Variants in SCRIB observed in about 807,000 individuals in gnomAD.
SCRIB encodes scribble planar cell polarity protein.
Under a neutral mutation model 170.0 loss-of-function variants are expected in SCRIB, and 72 were observed. The ratio of observed to expected loss-of-function variants is 0.42; its 90% CI spans 0.35 to 0.52. The LOEUF (loss-of-function observed/expected upper bound fraction) is 0.52, where lower values mean the gene tolerates loss of function less well. Among genes scored for constraint, SCRIB ranks in the 20% least tolerant of loss-of-function variants. The pLI, the probability that SCRIB is intolerant of heterozygous loss-of-function variation, is 0.02. For synonymous variants in SCRIB, 1,298 were observed against 1,044.3 expected, an observed-to-expected ratio of 1.24 and a Z score of -4.68; for missense variants, 2,475 against 2,338.5, an observed-to-expected ratio of 1.06 and a Z score of -1.20.
intron 24 of SCRIB, among the ~76,000 whole-genome samples, chr8:143,802,333 A>G (rs1178291383): frequency 6.6e-6 from 1 of 152,368 alleles, no homozygotes; most frequent in East Asian, 1.9e-4. Flanking sequence ...TGTGACTGTC[A>G]GCCTGGCAGA....
chr8:143,815,564 G>A lies in SCRIB; in HGVS notation c.-192C>T. 5.1e-6 allele frequency: 5 copies of A among 980,198 alleles called. No homozygotes were observed. The highest frequency in any genetic ancestry group is 4.7e-5 in the South Asian group (1 of 21,200). 60.7% of individuals were successfully genotyped at this position (980,198 alleles called of 1,614,324 possible). ...CGCGCTCGGAACGCTCGGACTGCGGGCCTGGGCAGGGGGCGCGGCCCGGCG... is the reference window on the plus strand; with the variant it reads ...CGCGCTCGGAACGCTCGGACTGCGGACCTGGGCAGGGGGCGCGGCCCGGCG... On this transcript the variant is annotated 5_prime_UTR_variant, in exon 1 of 37. Transcript: ENST00000356994.
intron 24 of SCRIB, among the ~76,000 whole-genome samples, chr8:143,799,524 C>T (rs949777341): frequency 6.6e-6 from 1 of 152,156 alleles, no homozygotes; most frequent in Non-Finnish European, 1.5e-5. Context: ...ATGCCAAACA[C>T]GCGGGGTAGC....
intron 29 of SCRIB, 26 bp from the exon 30 acceptor site, chr8:143,792,893 G>A (rs1554633293): frequency 6.7e-7 from 1 of 1,502,760 alleles, no homozygotes; most frequent in South Asian, 1.3e-5. Context: ...CTTGAGGTTT[G>A]GCTGGCATTC....
At chr8:143,814,491 C>A (rs973558527) in intron 1 of SCRIB, among the ~76,000 whole-genome samples, 2 of 152,146 alleles carry the variant, frequency 1.3e-5, no homozygotes, top group African/African-American at 4.8e-5. Flanking sequence ...TGACAACAAG[C>A]CTGGCCTGGT....
chr8:143,796,837 G>A (rs551641050), intron 24 of SCRIB, among the ~76,000 whole-genome samples: 7 of 152,300 alleles, frequency 4.6e-5, no homozygotes, highest in African/African-American at 1.7e-4. Flanking sequence ...AAGGTCCCAG[G>A]TAGCCCGGCC....
intron 18 of SCRIB, 132 bp downstream of exon 18, chr8:143,806,275 C>T (rs1006275064): frequency 3.3e-5 from 23 of 706,578 alleles, no homozygotes; most frequent in Middle Eastern, 4.8e-4. Flanking sequence ...TGGCTTCACC[C>T]GGAAGTCTGG....
Position 143,805,162 on chromosome 8 carries a change from A to G in SCRIB, c.2620T>C (p.Phe874Leu), listed in dbSNP as rs1176710553. 4 of 1,575,914 alleles carry G rather than the reference A, an allele frequency of 2.5e-6. No homozygotes were observed. In the African/African-American group the frequency reaches 5.4e-5, roughly 21 times the overall value. The change falls in exon 19 of 37, where the codon TTC becomes CTC. Residue 874 changes from phenylalanine (F) to leucine (L), a missense_variant. Coordinates refer to ENST00000356994, the MANE Select transcript of SCRIB (RefSeq NM_182706.5). ...CLARSERGLG[F>L]SIAGGKGSTP... The stretch of plus-strand genomic sequence containing the variant: ...GAGCCTTTCCCACCAGCAATGCTGA[A>G]GCCCAGCCCCCTCTCGCTGCGTGCC...
chr8:143,807,274 T>G (rs1375681481), intron 16 of SCRIB, among the ~76,000 whole-genome samples: 2 of 151,390 alleles, frequency 1.3e-5, no homozygotes, highest in African/African-American at 4.9e-5. Flanking sequence ...GAGGCCCCCC[T>G]GCCACCCTCG....
At position 143,803,397 on chromosome 8, in the gene SCRIB, C is replaced by A; in HGVS notation, c.3589G>T (p.Asp1197Tyr). ...GGATCGCTAACCTCCAGGGCTGCGT[C>A]GGTGCTGGCCTCAAAGCCGTCACAG... ...LVCDGFEAST[D>Y]AALEVSPGVI... Residue 1197 changes from aspartate (D) to tyrosine (Y), a missense_variant, in exon 24 of 37, where the codon GAC becomes TAC. By Grantham distance (160) the Asp-to-Tyr change is radical. Around this residue, in one of 3 missense-constraint regions of SCRIB, gnomAD observed 1,966 missense variants for 1,742.9 expected, o/e 1.13. Coordinates refer to ENST00000356994, the MANE Select transcript of SCRIB (RefSeq NM_182706.5). 1 of 1,580,858 alleles carries A rather than the reference C, an allele frequency of 6.3e-7. No homozygotes were observed. The highest frequency in any genetic ancestry group is 2.3e-5 in the East Asian group (1 of 43,932).
rs575273341 is a variant in SCRIB, at chr8:143,813,651, G to C, written c.432C>G (p.Pro144=). 2 of 1,613,336 alleles carry C rather than the reference G, an allele frequency of 1.2e-6. No homozygotes were observed. Among genetic ancestry groups the C allele is most frequent in the African/African-American group, 2.7e-5 (2 of 75,028 alleles). Residue 144 remains proline (P), a synonymous_variant, in exon 4 of 37, where the codon CCC becomes CCG. Transcript: ENST00000356994. ...AAGGCACTCACTTGCCCACGTCCCC[G>C]GGCAGTGCCTGCAGAGACACATCAT... ...ALNDVSLQAL[P]GDVGNLANLV... is the part of the protein sequence containing the mutation.
At chr8:143,809,191 G>A (rs912159070) in intron 14 of SCRIB, among the ~76,000 whole-genome samples, 166 bp from the exon 15 acceptor site, 1 of 152,154 alleles carries the variant, frequency 6.6e-6, no homozygotes, top group Non-Finnish European at 1.5e-5. Flanking sequence ...CCTGAGAAAA[G>A]CTGAAGGCCA....
At chr8:143,812,502 C>T (rs546011817) in intron 8 of SCRIB, 118 bp from the exon 9 acceptor site, 144 of 818,850 alleles carry the variant, frequency 1.8e-4, no homozygotes, top group Non-Finnish European at 2.5e-4. Flanking sequence ...CTGCCGCCGC[C>T]GTACTTCGGG....
At position 143,792,526 on chromosome 8, in the gene SCRIB, C is replaced by T. The variant is rs782746633; in HGVS notation, c.4287G>A (p.Glu1429=). The T allele has an allele frequency of 1.3e-6, 2 of 1,555,936 alleles. No homozygotes were observed. The highest frequency in any genetic ancestry group is 3.8e-5 in the Admixed American group (2 of 53,122). The change falls in exon 31 of 37, where the codon GAG becomes GAA. Residue 1429 remains glutamate (E), a synonymous_variant. Transcript: ENST00000356994. ...DGETLGEEEQ[E]DEQPPWASPS... ...GGCTGGCCCAGGGTGGCTGCTCATCCTCCTGTTCCTCCTCGCCCAGCGTCT... is the reference window on the plus strand; with the variant it reads ...GGCTGGCCCAGGGTGGCTGCTCATCTTCCTGTTCCTCCTCGCCCAGCGTCT...
Position 143,810,918 on chromosome 8 carries a change from G to A in SCRIB, c.1261C>T (p.Pro421Ser), listed in dbSNP as rs752243534. The A allele has an allele frequency of 6.2e-7, 1 of 1,611,458 alleles. No individual in the cohort carries two copies. The highest frequency in any genetic ancestry group is 8.5e-7 in the Non-Finnish European group (1 of 1,179,808). Residue 421 changes from proline to serine, a missense_variant, in exon 11 of 37, where the codon CCA (proline) becomes TCA (serine). This residue lies in a region of SCRIB where 1,966 missense variants were observed against 1,742.9 expected (regional missense o/e 1.13). Coordinates refer to ENST00000356994, the MANE Select transcript of SCRIB (RefSeq NM_182706.5). The part of the protein sequence containing the change: ...LTCYLLPQQP[P>S]PSLEDAGQQG... The stretch of plus-strand genomic sequence containing the variant: ...GCCAACAACCTACCGAGGCTGGGTG[G>A]GGGCTGCTGGGGCAGCAAGTAGCAG...
rs1554636157 is a variant in SCRIB at position 143,805,137 on chromosome 8, G to A, written c.2645C>T (p.Ser882Phe). 5 of 1,584,486 alleles carry A rather than the reference G, an allele frequency of 3.2e-6. No individual in the cohort carries two copies. The highest frequency in any genetic ancestry group is 1.7e-4 in the Middle Eastern group (1 of 5,940). Residue 882 changes from serine (S) to phenylalanine (F), a missense_variant, in exon 19 of 37, where the codon TCC becomes TTC. Physicochemically the swap from Ser to Phe is radical, Grantham distance 155 (BLOSUM62 -2). Around this residue, in one of 3 missense-constraint regions of SCRIB, gnomAD observed 1,966 missense variants for 1,742.9 expected, o/e 1.13. Coordinates refer to ENST00000356994, the MANE Select transcript of SCRIB (RefSeq NM_182706.5). ...CGCATCACCAGCCCTGTAGGGTGTG[G>A]AGCCTTTCCCACCAGCAATGCTGAA... ...LGFSIAGGKGSTPYRAGDAGI... is the reference protein window; with the variant it reads ...LGFSIAGGKGFTPYRAGDAGI...
chr8:143,793,804 G>A (rs990942885), intron 28 of SCRIB, 96 bp downstream of exon 28: 33 of 1,257,752 alleles, frequency 2.6e-5, no homozygotes, highest in Non-Finnish European at 3.5e-5. Flanking sequence ...GATGGCCCCT[G>A]ACCCCCCATC....
chr8:143,813,481 C>A lies in SCRIB; in HGVS notation c.492G>T (p.Lys164Asn). ...VTLELRENLL[K>N]SLPASLSFLV... ...CCTGTCACACTCACGCTGGCAGGGA[C>A]TTGAGCAGGTTCTCCCGGAGCTCCA... The change falls in exon 5 of 37, where the codon AAG becomes AAT. Residue 164 changes from lysine (K) to asparagine (N), a missense_variant. Physicochemically the swap from Lys to Asn is moderately conservative, Grantham distance 94. Around this residue, in one of 3 missense-constraint regions of SCRIB, gnomAD observed 487 missense variants for 558.1 expected, o/e 0.87. Transcript: ENST00000356994. 1 of 1,613,262 alleles carries A rather than the reference C, an allele frequency of 6.2e-7. No individual in the cohort carries two copies. Among genetic ancestry groups the A allele is most frequent in the Non-Finnish European group, 8.5e-7 (1 of 1,180,000 alleles).
Position 143,813,521 on chromosome 8 carries a change from G to T in SCRIB, c.452C>A (p.Ala151Asp). Reference sequence around the variant, plus strand: ...CCGGAGCTCCAGGGTCACCAGGTTGGCGAGGCTGAAAGAGAGACCAGGCGC... The same window carrying T: ...CCGGAGCTCCAGGGTCACCAGGTTGTCGAGGCTGAAAGAGAGACCAGGCGC... ...QALPGDVGNLANLVTLELREN... is the reference protein window; with the variant it reads ...QALPGDVGNLDNLVTLELREN... Residue 151 changes from alanine to aspartate, a missense_variant, in exon 5 of 37, where the codon GCC (alanine) becomes GAC (aspartate). Transcript: ENST00000356994. 1.2e-6 allele frequency: 2 copies of T among 1,613,266 alleles called. No homozygotes were observed. The highest frequency in any genetic ancestry group is 1.7e-6 in the Non-Finnish European group (2 of 1,179,988).
chr8:143,813,518 T>A lies in SCRIB; in HGVS notation c.455A>T (p.Asn152Ile). Residue 152 changes from asparagine to isoleucine, a missense_variant, in exon 5 of 37, where the codon AAC becomes ATC. Around this residue, in one of 3 missense-constraint regions of SCRIB, gnomAD observed 487 missense variants for 558.1 expected, o/e 0.87. Coordinates refer to ENST00000356994, the MANE Select transcript of SCRIB (RefSeq NM_182706.5). ...CTCCCGGAGCTCCAGGGTCACCAGG[T>A]TGGCGAGGCTGAAAGAGAGACCAGG... ...ALPGDVGNLA[N>I]LVTLELRENL... 6.2e-7 allele frequency: 1 copy of A among 1,613,150 alleles called. No homozygotes were observed. The highest frequency in any genetic ancestry group is 8.5e-7 in the Non-Finnish European group (1 of 1,179,974).
Sources: gnomAD v4.1 joint callset for allele counts (sites outside exome capture counted in the v4.1 genomes callset) on GRCh38, gnomAD v4.1.1 for gene constraint, gnomAD v4.1.1 regional missense constraint, MANE v1.5 for transcripts, NCBI Gene and HGNC (gene_info 2026-07-23, HGNC 2026-07-21) for gene names.